GASK1B: variants seen among roughly 807,000 people sequenced by gnomAD.
The protein encoded by GASK1B is Golgi-associated kinase 1B.
Under a neutral mutation model 42.8 loss-of-function variants are expected in GASK1B, and 34 were observed. The ratio of observed to expected loss-of-function variants is 0.79; its 90% CI spans 0.60 to 1.06. GASK1B has a LOEUF of 1.06. GASK1B is among the 50% of genes least tolerant of loss of function. The pLI is 0.00. For synonymous variants in GASK1B, 262 were observed against 259.1 expected (o/e 1.01, Z -0.11); for missense variants, 686 against 661.0 (o/e 1.04, Z -0.42).
chr4:158,141,697 C>T (rs1292568615), intron 3 of GASK1B, among the ~76,000 whole-genome samples: 2 of 148,096 alleles, frequency 1.4e-5, no homozygotes, highest in Non-Finnish European at 3.0e-5. Flanking sequence ...AGCTCCGCCT[C>T]CCGGGTTCAC....
intron 2 of GASK1B, among the ~76,000 whole-genome samples, chr4:158,165,408 T>G (rs753493210): frequency 2.6e-5 from 4 of 152,186 alleles, no homozygotes; most frequent in Non-Finnish European, 5.9e-5. Flanking sequence ...TTGAGACTCT[T>G]GCAAGGACAA....
At chr4:158,140,735 T>G (rs1731082216) in intron 3 of GASK1B, among the ~76,000 whole-genome samples, 1 of 152,202 alleles carries the variant, frequency 6.6e-6, no homozygotes, top group Non-Finnish European at 1.5e-5. Flanking sequence ...AAAAAATGTT[T>G]GAATCTCAAA....
chr4:158,164,921 G>C (rs997403487), intron 2 of GASK1B, among the ~76,000 whole-genome samples: 2 of 152,154 alleles, frequency 1.3e-5, no homozygotes, highest in Non-Finnish European at 2.9e-5. Context: ...ATACGAAGAG[G>C]CAATACAAGT....
intron 3 of GASK1B, among the ~76,000 whole-genome samples, chr4:158,141,548 A>G (rs1731116410): frequency 6.7e-6 from 1 of 149,654 alleles, no homozygotes; most frequent in East Asian, 2.0e-4. Flanking sequence ...TAGAAAAATG[A>G]TGTTAATGCC....
chr4:158,135,320 CAAAAAAA>C (rs1219141206), intron 3 of GASK1B, among the ~76,000 whole-genome samples: 2 of 56,224 alleles, frequency 3.6e-5, no homozygotes, highest in South Asian at 6.3e-4. Flanking sequence ...GACTCCGTCT[CAAAAAAA>C]AAAAAAAAAA....
intron 2 of GASK1B, among the ~76,000 whole-genome samples, chr4:158,167,794 T>C (rs2111021957): frequency 1.3e-5 from 2 of 152,296 alleles, no homozygotes; most frequent in Middle Eastern, 6.8e-3. Flanking sequence ...GTAAGATCTG[T>C]TGCCTCCCTG....
intron 2 of GASK1B, among the ~76,000 whole-genome samples, chr4:158,163,816 C>A (rs150677725): frequency 2.0e-5 from 3 of 152,148 alleles, no homozygotes; most frequent in East Asian, 1.9e-4. Context: ...CCCGTCCACA[C>A]CCCCAAACAC....
intron 3 of GASK1B, among the ~76,000 whole-genome samples, chr4:158,151,430 A>C (rs1277779802): frequency 6.6e-6 from 1 of 152,230 alleles, no homozygotes; most frequent in African/African-American, 2.4e-5. Flanking sequence ...AGTGGTTGTA[A>C]GAACTTGAGT....
At chr4:158,129,964 C>T (rs553350186) in intron 4 of GASK1B, among the ~76,000 whole-genome samples, 33 of 152,238 alleles carry the variant, frequency 2.2e-4, no homozygotes, top group Non-Finnish European at 4.0e-4. Context: ...TACTAAATGT[C>T]TAATTTCCTT....
At chr4:158,170,267 A>C (rs1703905093) in intron 2 of GASK1B, 199 bp downstream of exon 2, 2 of 1,614,260 alleles carry the variant, frequency 1.2e-6, no homozygotes, top group Non-Finnish European at 1.7e-6. Context: ...CCAATACAGC[A>C]TTTCCCTGGA....
intron 3 of GASK1B, among the ~76,000 whole-genome samples, chr4:158,148,163 A>G (rs1422524446): frequency 6.6e-6 from 1 of 152,162 alleles, no homozygotes; most frequent in African/African-American, 2.4e-5. Flanking sequence ...GCAGTGAGTT[A>G]TGATCACACC....
At chr4:158,166,470 G>A (rs1732234322) in intron 2 of GASK1B, among the ~76,000 whole-genome samples, 1 of 152,152 alleles carries the variant, frequency 6.6e-6, no homozygotes, top group African/African-American at 2.4e-5. Context: ...TCAAATCACA[G>A]CATTTGATTC....
At chr4:158,145,295 G>A (rs1311088461) in intron 3 of GASK1B, among the ~76,000 whole-genome samples, 1 of 152,134 alleles carries the variant, frequency 6.6e-6, no homozygotes, top group Non-Finnish European at 1.5e-5. Context: ...ATTAGATTCA[G>A]GAAATAATTC....
In GASK1B at chr4:158,160,783, A is replaced by G. The variant is rs188471280; in HGVS notation, c.911-4958T>C. 2.6e-5 allele frequency among the ~76,000 whole-genome samples: 4 copies of G among 152,308 alleles called. No homozygotes were observed. In the East Asian group the frequency reaches 7.7e-4, roughly 29 times the overall value. On this transcript the variant is annotated intron_variant, in intron 2 of 4. Transcript: ENST00000585682. The stretch of plus-strand genomic sequence containing the variant: ...GGAGTACTATTATTCACCCTTTAAA[A>G]AGGGAGAAATCCTGTCATTTGTGAC...
At chr4:158,152,875 T>C (rs568451219) in intron 3 of GASK1B, among the ~76,000 whole-genome samples, 2 of 152,246 alleles carry the variant, frequency 1.3e-5, no homozygotes, top group Admixed American at 6.5e-5. Flanking sequence ...CCATCTATGA[T>C]AAACCCACAG....
chr4:158,146,508 T>C (rs900103464), intron 3 of GASK1B, among the ~76,000 whole-genome samples: 5 of 152,212 alleles, frequency 3.3e-5, no homozygotes, highest in Non-Finnish European at 7.3e-5. Flanking sequence ...TTCTAAATGC[T>C]TTATGTATAT....
At chr4:158,159,401 GAATT>G (rs1731882174) in intron 2 of GASK1B, 8 of 351,622 alleles carry the variant, frequency 2.3e-5, no homozygotes, top group South Asian at 1.7e-4. Flanking sequence ...CTGTTGAGGA[GAATT>G]CCACCTCTTT....
chr4:158,163,087 TA>T (rs1377680022), intron 2 of GASK1B, among the ~76,000 whole-genome samples: 1 of 152,242 alleles, frequency 6.6e-6, no homozygotes, highest in African/African-American at 2.4e-5. Flanking sequence ...GCAAACTGCC[TA>T]GCACTCCACA....
Position 158,130,782 on chromosome 4 carries a change from T to C in GASK1B, c.1352+4A>G. On this transcript the variant is annotated splice_donor_region_variant and intron_variant, in intron 4 of 4. Transcript: ENST00000585682. ...TGTCCTGCAGATGTTACTATAAAACTTACTCTTTGATGCCTTCTAACAATT... is the reference window on the plus strand; with the variant it reads ...TGTCCTGCAGATGTTACTATAAAACCTACTCTTTGATGCCTTCTAACAATT... The C allele has an allele frequency of 1.2e-6, 2 of 1,607,656 alleles. No individual in the cohort carries two copies. The highest frequency in any genetic ancestry group is 1.7e-6 in the Non-Finnish European group (2 of 1,175,906).
Sources: allele counts gnomAD v4.1 joint callset (sites outside exome capture counted in the v4.1 genomes callset), GRCh38; gene constraint gnomAD v4.1.1; transcripts MANE v1.5; gene names NCBI Gene and HGNC (gene_info 2026-07-23, HGNC 2026-07-21).